Variants in ZNF536 observed in about 807,000 individuals in gnomAD.
The protein encoded by ZNF536 is zinc finger protein 536.
In ZNF536, 13 loss-of-function variants were observed where a neutral mutation model predicts 84.5. The ratio of observed to expected loss-of-function variants is 0.15; its 90% CI spans 0.10 to 0.24. The LOEUF is 0.24. Among genes scored for constraint, ZNF536 ranks in the 10% least tolerant of loss-of-function variants. The probability of loss-of-function intolerance (pLI) is 1.00; values close to 1 mark genes in which losing one functional copy is unlikely to be tolerated. For missense variants in ZNF536, 1,536 were observed against 1,747.5 expected (o/e 0.88, Z 2.16); for synonymous variants, 811 against 742.5 (o/e 1.09, Z -1.50).
upstream of ZNF536, among the ~76,000 whole-genome samples, chr19:30,368,745 T>C (rs1046161372): frequency 6.6e-6 from 1 of 152,308 alleles, no homozygotes; most frequent in East Asian, 1.9e-4. Context: ...ACAAACCAAC[T>C]GTAGGGAGGA....
At chr19:30,684,347 G>A (rs2051091229) in intron 1 of ZNF536, among the ~76,000 whole-genome samples, 1 of 152,124 alleles carries the variant, frequency 6.6e-6, no homozygotes. Context: ...ATGTTGCCCA[G>A]GCTGGCCTCC....
At chr19:30,378,937 A>G (rs2048916181) in intron 1 of ZNF536, among the ~76,000 whole-genome samples, 1 of 152,142 alleles carries the variant, frequency 6.6e-6, no homozygotes, top group Non-Finnish European at 1.5e-5. Context: ...TGTCTCTCCC[A>G]AAGGATGTTG....
At chr19:30,376,384 G>A (rs1322032133) in intron 1 of ZNF536, among the ~76,000 whole-genome samples, 1 of 152,120 alleles carries the variant, frequency 6.6e-6, no homozygotes, top group African/African-American at 2.4e-5. Context: ...GAGCATAGAG[G>A]TGCCTTGCCA....
chr19:30,574,322 C>T (rs908629666), intron 1 of ZNF536, among the ~76,000 whole-genome samples: 3 of 152,138 alleles, frequency 2.0e-5, no homozygotes, highest in African/African-American at 7.2e-5. Flanking sequence ...GGGAAGAGAC[C>T]CTTCAAGAAA....
intron 1 of ZNF536, among the ~76,000 whole-genome samples, chr19:30,373,551 A>G (rs1180444709): frequency 6.6e-6 from 1 of 152,240 alleles, no homozygotes; most frequent in Non-Finnish European, 1.5e-5. Flanking sequence ...GTAAAAGTAT[A>G]TAATTAATAG....
At chr19:30,593,715 T>C (rs1180246578) in intron 1 of ZNF536, among the ~76,000 whole-genome samples, 1 of 152,112 alleles carries the variant, frequency 6.6e-6, no homozygotes, top group East Asian at 1.9e-4. Context: ...TTTAGGACTC[T>C]AAGAACAGAG....
chr19:30,375,115 G>A (rs2147084120), intron 1 of ZNF536, among the ~76,000 whole-genome samples: 1 of 151,388 alleles, frequency 6.6e-6, no homozygotes, highest in East Asian at 2.0e-4. Context: ...ACGCCGCCCA[G>A]CCCCGGGGTG....
At chr19:30,432,315 G>A (rs185259687) in intron 1 of ZNF536, among the ~76,000 whole-genome samples, 1 of 152,118 alleles carries the variant, frequency 6.6e-6, no homozygotes, top group Non-Finnish European at 1.5e-5. Flanking sequence ...GGACCAGGGG[G>A]CTTGGAGGAC....
chr19:30,512,583 G>A lies in ZNF536; in HGVS notation c.2171-22264G>A, dbSNP rs538980862. 4.6e-5 allele frequency among the ~76,000 whole-genome samples: 7 copies of A among 151,658 alleles called. No individual in the cohort carries two copies. The East Asian group carries it at 1.4e-3, about 29-fold the overall frequency. ...TGGGTCACATTCGTTGCTGTGATACGAGTGTGGGTTAGAGGTCCCTTGAGT... is the reference window on the plus strand; with the variant it reads ...TGGGTCACATTCGTTGCTGTGATACAAGTGTGGGTTAGAGGTCCCTTGAGT... On this transcript the variant is annotated intron_variant, in intron 2 of 4. Transcript: ENST00000355537.
chr19:30,509,298 A>G (rs542342989), intron 2 of ZNF536, among the ~76,000 whole-genome samples: 21 of 148,506 alleles, frequency 1.4e-4, no homozygotes, highest in African/African-American at 4.6e-4. Flanking sequence ...AATATGTAAC[A>G]TATATTATAC....
chr19:30,367,839 C>T (rs779752790), upstream of ZNF536, among the ~76,000 whole-genome samples: 8 of 152,206 alleles, frequency 5.3e-5, no homozygotes, highest in Admixed American at 1.3e-4. Context: ...CCTACCACCT[C>T]GATCTCTCTC....
chr19:30,706,859 T>C (rs1291186417), intron 1 of ZNF536, among the ~76,000 whole-genome samples: 5 of 152,194 alleles, frequency 3.3e-5, no homozygotes, highest in Non-Finnish European at 5.9e-5. Context: ...AGAGCTGCCC[T>C]TGGTAGAAAC....
intron 2 of ZNF536, among the ~76,000 whole-genome samples, chr19:30,492,579 T>C (rs915146466): frequency 3.9e-5 from 6 of 152,218 alleles, no homozygotes; most frequent in African/African-American, 1.4e-4. Context: ...GAATTTAACT[T>C]CTCATAAACC....
intron 1 of ZNF536, among the ~76,000 whole-genome samples, chr19:30,267,385 T>C (rs551905085): frequency 6.6e-6 from 1 of 152,324 alleles, no homozygotes; most frequent in Admixed American, 6.5e-5. Flanking sequence ...TAATAATCTT[T>C]CATTCTTCCT....
chr19:30,591,567 T>A (rs1417980177), intron 1 of ZNF536, among the ~76,000 whole-genome samples: 1 of 152,182 alleles, frequency 6.6e-6, no homozygotes, highest in East Asian at 1.9e-4. Context: ...CACCTGGCCC[T>A]GCTCTTGACA....
intron 2 of ZNF536, among the ~76,000 whole-genome samples, chr19:30,466,640 T>C (rs982776200): frequency 1.4e-5 from 2 of 143,588 alleles, no homozygotes; most frequent in African/African-American, 5.5e-5. Flanking sequence ...TGTTTTTTTT[T>C]TGTTTTTTGT....
chr19:30,544,016 G>T (rs964307156), intron 3 of ZNF536, among the ~76,000 whole-genome samples: 1 of 152,182 alleles, frequency 6.6e-6, no homozygotes, highest in South Asian at 2.1e-4. Context: ...CGAGGGCTTT[G>T]AGATAGAGGG....
chr19:30,523,876 C>T (rs1171003859), intron 2 of ZNF536, among the ~76,000 whole-genome samples: 1 of 152,188 alleles, frequency 6.6e-6, no homozygotes, highest in East Asian at 1.9e-4. Flanking sequence ...CCCAGCCGGG[C>T]CTGGTGGATT....
intron 1 of ZNF536, among the ~76,000 whole-genome samples, chr19:30,617,052 C>T (rs1388644914): frequency 1.1e-4 from 17 of 151,970 alleles, no homozygotes; most frequent in South Asian, 2.1e-4. Flanking sequence ...CTTGGTTCCT[C>T]GTTTTCTATA....
Sources: gnomAD v4.1 joint callset for allele counts (sites outside exome capture counted in the v4.1 genomes callset) on GRCh38, gnomAD v4.1.1 for gene constraint, MANE v1.5 for transcripts, NCBI Gene and HGNC (gene_info 2026-07-23, HGNC 2026-07-21) for gene names.